DAGLA: variants seen among roughly 807,000 people sequenced by gnomAD.
The protein encoded by DAGLA is diacylglycerol lipase-alpha.
In DAGLA, 22 loss-of-function variants were observed where a neutral mutation model predicts 102.6. The ratio of observed to expected loss-of-function variants is 0.21; its 90% CI spans 0.15 to 0.31. DAGLA has a LOEUF of 0.31. DAGLA is among the 10% of genes least tolerant of loss of function. The pLI is 1.00. For synonymous variants in DAGLA, 578 were observed against 628.9 expected (o/e 0.92, Z 1.21); for missense variants, 927 against 1,446.6 (o/e 0.64, Z 5.83).
chr11:61,733,703 T>C (rs2065397194), intron 9 of DAGLA, among the ~76,000 whole-genome samples: 1 of 152,076 alleles, frequency 6.6e-6, no homozygotes, highest in South Asian at 2.1e-4. Flanking sequence ...CTGGCCCTGT[T>C]TGGGTGCTGG....
At position 61,735,656 on chromosome 11, in the gene DAGLA, A is replaced by G; in HGVS notation, c.1212+12A>G. ...CCCTGTCCCCCAAGGTACGCTGCCCATGGCTCCCAGCCCCCGGGGGTGCCT... is the reference window on the plus strand; with the variant it reads ...CCCTGTCCCCCAAGGTACGCTGCCCGTGGCTCCCAGCCCCCGGGGGTGCCT... On this transcript the variant is annotated intron_variant, in intron 11 of 19. Transcript: ENST00000257215. 1 of 1,613,742 alleles carries G rather than the reference A, an allele frequency of 6.2e-7. No individual in the cohort carries two copies. Among genetic ancestry groups the G allele is most frequent in the Non-Finnish European group, 8.5e-7 (1 of 1,179,752 alleles).
Position 61,722,924 on chromosome 11 carries a change from T to G in DAGLA, c.373T>G (p.Ser125Ala), listed in dbSNP as rs1423712398. 7 of 1,613,894 alleles carry G rather than the reference T, an allele frequency of 4.3e-6. No homozygotes were observed. The Admixed American group carries it at 1.0e-4, about 23-fold the overall frequency. The change falls in exon 4 of 20, where the codon TCC becomes GCC. Residue 125 changes from serine (S) to alanine (A), a missense_variant. Physicochemically the swap from Ser to Ala is moderately conservative, Grantham distance 99 (BLOSUM62 1). Around this residue, in one of 4 missense-constraint regions of DAGLA, gnomAD observed 231 missense variants for 439.8 expected, o/e 0.53. Coordinates refer to ENST00000257215, the MANE Select transcript of DAGLA (RefSeq NM_006133.3). ...GIVWLTQYYT[S>A]CNDLTAKNVT... ...CGTCTGGCTCACTCAGTACTACACCTCCTGCAACGACCTCACTGCCAAGAA... is the reference window on the plus strand; with the variant it reads ...CGTCTGGCTCACTCAGTACTACACCGCCTGCAACGACCTCACTGCCAAGAA...
chr11:61,737,410 G>A, intron 14 of DAGLA, 86 bp downstream of exon 14: 1 of 1,568,912 alleles, frequency 6.4e-7, no homozygotes, highest in Non-Finnish European at 8.7e-7. Flanking sequence ...GCTGGACTGG[G>A]AGTCTGACTT....
chr11:61,705,491 C>A (rs149673759), intron 1 of DAGLA, among the ~76,000 whole-genome samples: 1 of 152,200 alleles, frequency 6.6e-6, no homozygotes, highest in South Asian at 2.1e-4. Flanking sequence ...TCCTCCAGTG[C>A]TTGTTCCGCT....
chr11:61,741,082 TG>T, intron 18 of DAGLA, 79 bp from the exon 19 acceptor site: 1 of 1,395,352 alleles, frequency 7.2e-7, no homozygotes, highest in African/African-American at 1.4e-5. Flanking sequence ...CTGAGAGGCC[TG>T]GGCCCTGGCT....
chr11:61,708,992 A>G (rs2065172784), intron 1 of DAGLA, among the ~76,000 whole-genome samples: 1 of 152,148 alleles, frequency 6.6e-6, no homozygotes, highest in African/African-American at 2.4e-5. Context: ...AGTCAGCTGT[A>G]GGCCCAGGTC....
chr11:61,718,806 T>C (rs1013888408), intron 1 of DAGLA, among the ~76,000 whole-genome samples: 1 of 152,154 alleles, frequency 6.6e-6, no homozygotes, highest in Non-Finnish European at 1.5e-5. Flanking sequence ...GCACCGGGGA[T>C]AGGGAGGCGG....
Position 61,739,567 on chromosome 11 carries a change from A to G in DAGLA, c.1759A>G (p.Ser587Gly). 1 of 1,613,844 alleles carries G rather than the reference A, an allele frequency of 6.2e-7. No individual in the cohort carries two copies. The highest frequency in any genetic ancestry group is 8.5e-7 in the Non-Finnish European group (1 of 1,179,958). ...CAGCACGCGGCTCTGGACCCACCCCAGCGACCTAACTATAGCCCTCTCAGC... is the reference window on the plus strand; with the variant it reads ...CAGCACGCGGCTCTGGACCCACCCCGGCGACCTAACTATAGCCCTCTCAGC... ...LASTRLWTHP[S>G]DLTIALSAST... The change falls in exon 17 of 20, where the codon AGC becomes GGC. Residue 587 changes from serine to glycine, a missense_variant. Physicochemically the swap from Ser to Gly is moderately conservative, Grantham distance 56. Around this residue, in one of 4 missense-constraint regions of DAGLA, gnomAD observed 218 missense variants for 459.6 expected, o/e 0.47. Coordinates refer to ENST00000257215, the MANE Select transcript of DAGLA (RefSeq NM_006133.3).
intron 3 of DAGLA, 134 bp from the exon 4 acceptor site, chr11:61,722,725 A>T (rs939032354): frequency 8.3e-6 from 6 of 718,834 alleles, no homozygotes; most frequent in African/African-American, 3.5e-5. Flanking sequence ...GGGTCTGCTA[A>T]TGGCCCGCTG....
At chr11:61,732,975 C>T (rs2065389290) in intron 9 of DAGLA, among the ~76,000 whole-genome samples, 1 of 152,250 alleles carries the variant, frequency 6.6e-6, no homozygotes. Context: ...CCCTGCTCCC[C>T]TGACTGGTCC....
At chr11:61,732,356 T>C (rs1378153488) in intron 9 of DAGLA, among the ~76,000 whole-genome samples, 1 of 152,198 alleles carries the variant, frequency 6.6e-6, no homozygotes, top group Non-Finnish European at 1.5e-5. Context: ...CAGAGAGGAC[T>C]AGAGCACCTC....
intron 3 of DAGLA, among the ~76,000 whole-genome samples, chr11:61,721,569 C>T (rs1159565913): frequency 2.0e-5 from 3 of 152,198 alleles, no homozygotes; most frequent in Non-Finnish European, 4.4e-5. Context: ...ACCCCATCCT[C>T]AACCATGTGC....
At position 61,741,215 on chromosome 11, in the gene DAGLA, C is replaced by G. The variant is rs1357251261; in HGVS notation, c.2037C>G (p.Val679=). The change falls in exon 19 of 20, where the codon GTC becomes GTG. Residue 679 remains valine (V), a synonymous_variant. Coordinates refer to ENST00000257215, the MANE Select transcript of DAGLA (RefSeq NM_006133.3). Reference sequence around the variant, plus strand: ...CCGCTCTGCTCTCTGCAGCCAAGGTCATGGTGAGCCCTACCGAGGTGGACC... The same window carrying G: ...CCGCTCTGCTCTCTGCAGCCAAGGTGATGGTGAGCCCTACCGAGGTGGACC... ...GKTALLSAAK[V]MVSPTEVDLT... The G allele has an allele frequency of 8.7e-6, 14 of 1,613,516 alleles. No homozygotes were observed. The highest frequency in any genetic ancestry group is 1.3e-5 in the African/African-American group (1 of 74,942).
chr11:61,703,194 G>T (rs1241536756), intron 1 of DAGLA, among the ~76,000 whole-genome samples: 1 of 152,216 alleles, frequency 6.6e-6, no homozygotes, highest in African/African-American at 2.4e-5. Flanking sequence ...CCTTTACTCA[G>T]TGCAGGGAAC....
intron 1 of DAGLA, among the ~76,000 whole-genome samples, chr11:61,697,170 C>T (rs1852884248): frequency 6.6e-6 from 1 of 152,142 alleles, no homozygotes; most frequent in African/African-American, 2.4e-5. Context: ...ATGGACAGCT[C>T]CAGTGACTCT....
chr11:61,718,060 T>G (rs539657325), intron 1 of DAGLA, among the ~76,000 whole-genome samples: 2 of 151,934 alleles, frequency 1.3e-5, no homozygotes, highest in East Asian at 3.9e-4. Flanking sequence ...GGTCCAAGGG[T>G]GGGAGTGAGA....
intron 1 of DAGLA, 34 bp downstream of exon 1, chr11:61,680,538 T>TGGGCGC (rs2064932476): frequency 6.7e-6 from 1 of 148,678 alleles, no homozygotes. Flanking sequence ...GGGCCGGTCC[T>TGGGCGC]GGGCGCGGGC....
At chr11:61,741,388 T>C (rs1488793246) in intron 19 of DAGLA, 39 bp downstream of exon 19, 2 of 1,585,248 alleles carry the variant, frequency 1.3e-6, no homozygotes, top group South Asian at 1.1e-5. Flanking sequence ...CCAGGGTGAG[T>C]GTGGTTCAGA....
chr11:61,740,508 C>A lies in DAGLA; in HGVS notation c.1899C>A (p.Asp633Glu). 1 of 1,613,940 alleles carries A rather than the reference C, an allele frequency of 6.2e-7. No individual in the cohort carries two copies. Among genetic ancestry groups the A allele is most frequent in the Non-Finnish European group, 8.5e-7 (1 of 1,179,990 alleles). ...EEPTYFAIWG[D>E]NKAFNEVIIS... ...CCACATACTTTGCCATCTGGGGCGA[C>A]AACAAGGCCTTCAATGAGGTGATCA... is the stretch of plus-strand genomic sequence containing the variant. Residue 633 changes from aspartate (D) to glutamate (E), a missense_variant, in exon 18 of 20, where the codon GAC becomes GAA. Coordinates refer to ENST00000257215, the MANE Select transcript of DAGLA (RefSeq NM_006133.3).
Sources: gnomAD v4.1 joint callset for allele counts (sites outside exome capture counted in the v4.1 genomes callset) on GRCh38, gnomAD v4.1.1 for gene constraint, gnomAD v4.1.1 regional missense constraint, MANE v1.5 for transcripts, NCBI Gene and HGNC (gene_info 2026-07-23, HGNC 2026-07-21) for gene names.